The following IL4I1 variants were observed in gnomAD, a reference collection of about 807,000 sequenced individuals.
The protein encoded by IL4I1 is interleukin 4 induced 1.
IL4I1 carries 24 observed loss-of-function variants against 29.7 expected under a neutral mutation model. The observed-to-expected ratio is 0.81, with a 90% CI of 0.59 to 1.14. The LOEUF (loss-of-function observed/expected upper bound fraction) is 1.14, where lower values mean the gene tolerates loss of function less well. Ranked by LOEUF, IL4I1 falls within the 50% of genes most tolerant of loss-of-function variation. IL4I1 has a pLI of 0.00. For synonymous variants in IL4I1, 371 were observed against 352.5 expected, an observed-to-expected ratio of 1.05 and a Z score of -0.59; for missense variants, 686 against 785.6, an observed-to-expected ratio of 0.87 and a Z score of 1.52.
intron 2 of IL4I1, among the ~76,000 whole-genome samples, chr19:49,912,651 C>T (rs2075502735): frequency 6.6e-6 from 1 of 152,086 alleles, no homozygotes; most frequent in Non-Finnish European, 1.5e-5. Flanking sequence ...ATCGCTTGAG[C>T]CCAGGAACTC....
rs140541610 is a variant in IL4I1, at chr19:49,909,620, G to A, written c.-227-5299C>T. 3.8e-5 allele frequency: 61 copies of A among 1,614,096 alleles called. No individual in the cohort carries two copies. Among genetic ancestry groups the A allele is most frequent in the Admixed American group, 2.2e-4 (13 of 59,998 alleles). Reference sequence around the variant, plus strand: ...CGTCTGTGTGGCCGGAGTCTGGGTGGCAAGTGAGAACAGGCCGGTGGAAGG... The same window carrying A: ...CGTCTGTGTGGCCGGAGTCTGGGTGACAAGTGAGAACAGGCCGGTGGAAGG... On this transcript the variant is annotated intron_variant, in intron 2 of 9. Transcript: ENST00000341114.
chr19:49,891,264 G>A, intron 6 of IL4I1, 141 bp downstream of exon 6: 1 of 1,412,998 alleles, frequency 7.1e-7, no homozygotes, highest in Non-Finnish European at 9.8e-7. Flanking sequence ...GTCCAGACAG[G>A]GGGCGTGTCC....
At chr19:49,927,610 A>G (rs2075933757) in intron 2 of IL4I1, 1 of 152,228 alleles carries the variant, frequency 6.6e-6, no homozygotes, top group African/African-American at 2.4e-5. Context: ...GTGGACAGTA[A>G]GTGCTCTAAG....
At chr19:49,898,898 C>T (rs2075245246), upstream of IL4I1, among the ~76,000 whole-genome samples, 1 of 151,876 alleles carries the variant, frequency 6.6e-6, no homozygotes, top group Admixed American at 6.6e-5. Context: ...AACAAAAAAC[C>T]AACAACAATG....
chr19:49,909,289 A>C, intron 2 of IL4I1: 1 of 1,614,054 alleles, frequency 6.2e-7, no homozygotes, highest in African/African-American at 1.3e-5. Context: ...CTGCTGAGCC[A>C]ATGTTGAAAC....
At chr19:49,904,892 AG>A (rs2075302301) in intron 2 of IL4I1, among the ~76,000 whole-genome samples, 1 of 152,096 alleles carries the variant, frequency 6.6e-6, no homozygotes, top group Admixed American at 6.6e-5. Flanking sequence ...TTATATTTTT[AG>A]TAGAGACAGG....
chr19:49,914,983 G>A (rs1481747302), intron 2 of IL4I1, among the ~76,000 whole-genome samples: 1 of 151,794 alleles, frequency 6.6e-6, no homozygotes, highest in Non-Finnish European at 1.5e-5. Context: ...CAGGTGATCT[G>A]CCCACCTTGG....
intron 2 of IL4I1, among the ~76,000 whole-genome samples, chr19:49,913,689 A>G (rs1307675770): frequency 1.3e-5 from 2 of 152,100 alleles, no homozygotes; most frequent in Non-Finnish European, 2.9e-5. Flanking sequence ...AGTCTGTATC[A>G]TTTCTCCATA....
chr19:49,925,277 T>A (rs1322397584), intron 2 of IL4I1, among the ~76,000 whole-genome samples: 1 of 150,570 alleles, frequency 6.6e-6, no homozygotes, highest in Non-Finnish European at 1.5e-5. Context: ...ACCAAAAAAA[T>A]TAAAAAACAA....
At chr19:49,925,078 A>G (rs1337486933) in intron 2 of IL4I1, among the ~76,000 whole-genome samples, 2 of 152,054 alleles carry the variant, frequency 1.3e-5, no homozygotes, top group East Asian at 1.9e-4. Flanking sequence ...CCTGACCAAC[A>G]TGGAGAAACC....
rs538382570 is a variant in IL4I1 at position 49,907,666 on chromosome 19, G to A, written c.-227-3345C>T. ...TCCTGCCTCAGCCTCCCGAGTAGCT[G>A]AGATTGAGATCACAGGCGTCCACCA... On this transcript the variant is annotated intron_variant, in intron 2 of 9. Coordinates refer to the IL4I1 transcript ENST00000341114. 69 of 369,218 alleles carry A rather than the reference G, an allele frequency of 1.9e-4. 1 individual carries two copies. Among genetic ancestry groups the A allele is most frequent in the South Asian group, 1.4e-3 (69 of 47,614 alleles). 22.9% of individuals were successfully genotyped at this position (369,218 alleles called of 1,614,324 possible).
intron 2 of IL4I1, among the ~76,000 whole-genome samples, chr19:49,915,932 G>A (rs934624585): frequency 2.0e-5 from 3 of 152,210 alleles, no homozygotes; most frequent in Non-Finnish European, 2.9e-5. Flanking sequence ...GGATGGTGTC[G>A]GCTCCACTGG....
intron 2 of IL4I1, among the ~76,000 whole-genome samples, chr19:49,918,340 C>T (rs983242236): frequency 3.3e-5 from 5 of 152,296 alleles, no homozygotes; most frequent in Admixed American, 6.5e-5. Flanking sequence ...GCCAAGATTA[C>T]AGGCACGAGC....
upstream of IL4I1, chr19:49,901,591 T>C: frequency 7.5e-7 from 1 of 1,325,736 alleles, no homozygotes; most frequent in South Asian, 1.6e-5. Context: ...CATGGAACCC[T>C]CCTTCCTGTT....
chr19:49,921,741 C>T lies in IL4I1; in HGVS notation c.-228+5953G>A, dbSNP rs1373309416. Among the ~76,000 whole-genome samples, 2 of 152,194 alleles carry T rather than the reference C, an allele frequency of 1.3e-5. No homozygotes were observed. Among genetic ancestry groups the T allele is most frequent in the African/African-American group, 4.8e-5 (2 of 41,442 alleles). Reference sequence around the variant, plus strand: ...GTGAGGCCCTCCCACCATGGTTCCCCGCCTCTGCCTCTCCCCGCAGCTCCG... The same window carrying T: ...GTGAGGCCCTCCCACCATGGTTCCCTGCCTCTGCCTCTCCCCGCAGCTCCG... On this transcript the variant is annotated intron_variant, in intron 2 of 9. Transcript: ENST00000341114. This position sits in a 1 kb window ranked among gnomAD's most constrained non-coding sequence, Gnocchi z 5.4.
At chr19:49,911,611 C>T (rs2075464886) in intron 2 of IL4I1, among the ~76,000 whole-genome samples, 1 of 152,294 alleles carries the variant, frequency 6.6e-6, no homozygotes, top group East Asian at 1.9e-4. Context: ...TTCGTCTGCT[C>T]CTCCTTCTCC....
At chr19:49,904,838 T>C (rs1451290586) in intron 2 of IL4I1, among the ~76,000 whole-genome samples, 1 of 151,990 alleles carries the variant, frequency 6.6e-6, no homozygotes, top group Non-Finnish European at 1.5e-5. Flanking sequence ...GTCTCCCGAG[T>C]AGCTGGGACT....
At chr19:49,910,757 AC>A (rs1386924635) in intron 2 of IL4I1, among the ~76,000 whole-genome samples, 1 of 151,872 alleles carries the variant, frequency 6.6e-6, no homozygotes, top group African/African-American at 2.4e-5. Context: ...ACCCCAGAAG[AC>A]CCATGGGCCA....
chr19:49,890,156 C>T lies in IL4I1; in HGVS notation c.1218G>A (p.Ala406=), dbSNP rs1187719701. The T allele has an allele frequency of 1.9e-6, 3 of 1,541,502 alleles. No homozygotes were observed. Among genetic ancestry groups the T allele is most frequent in the East Asian group, 2.5e-5 (1 of 40,740 alleles). The part of the protein sequence containing the change: ...ASYTWSDAAA[A]FAGLSREEAL... ...CCTCTTCCCGGCTCAAGCCGGCGAACGCTGCCGCCGCGTCCGACCACGTGT... is the reference window on the plus strand; with the variant it reads ...CCTCTTCCCGGCTCAAGCCGGCGAATGCTGCCGCCGCGTCCGACCACGTGT... Residue 406 remains alanine, a synonymous_variant, in exon 8 of 8, where the codon GCG becomes GCA. Coordinates refer to ENST00000391826, the MANE Select transcript of IL4I1 (RefSeq NM_152899.2).
Sources: allele counts gnomAD v4.1 joint callset (sites outside exome capture counted in the v4.1 genomes callset), GRCh38; gene constraint gnomAD v4.1.1; non-coding constraint Gnocchi (gnomAD v3.1); transcripts MANE v1.5; gene names NCBI Gene and HGNC (gene_info 2026-07-23, HGNC 2026-07-21).